Variants in CSPG5 observed in about 807,000 individuals in gnomAD.
CSPG5 encodes chondroitin sulfate proteoglycan 5, also known as acidic leucine-rich EGF-like domain-containing brain protein.
CSPG5 carries 25 observed loss-of-function variants against 39.8 expected under a neutral mutation model. The ratio of observed to expected loss-of-function variants is 0.63; its 90% CI spans 0.46 to 0.88. The LOEUF is 0.88. CSPG5 is among the 40% of genes least tolerant of loss of function. The pLI, the probability that CSPG5 is intolerant of heterozygous loss-of-function variation, is 0.00. For synonymous variants in CSPG5, 295 were observed against 303.9 expected (o/e 0.97, Z 0.31); for missense variants, 627 against 702.2 (o/e 0.89, Z 1.21).
rs2031857313 is a variant in CSPG5, at chr3:47,578,343, C to A, written c.97+254G>T. Among the ~76,000 whole-genome samples the A allele has an allele frequency of 1.3e-5, 2 of 150,460 alleles. No individual in the cohort carries two copies. Among genetic ancestry groups the A allele is most frequent in the Non-Finnish European group, 3.0e-5 (2 of 67,426 alleles). ...CCCGGCCCCGCCCCGGCCCCGCCCC[C>A]GGCCCCGCCCCCAGTCCGCACCGCG... On this transcript the variant is annotated intron_variant, in intron 1 of 4. Coordinates refer to ENST00000264723, the MANE Select transcript of CSPG5 (RefSeq NM_006574.4). This position sits in a 1 kb window ranked among gnomAD's most constrained non-coding sequence, Gnocchi z 6.0.
In CSPG5 at chr3:47,565,531, A is replaced by G. The variant is rs892175655; in HGVS notation, c.1459-2770T>C. Among the ~76,000 whole-genome samples, 4 of 152,178 alleles carry G rather than the reference A, an allele frequency of 2.6e-5. No homozygotes were observed. The East Asian group carries it at 7.7e-4, about 29-fold the overall frequency. ...TGTGGACTCACTGCTCCCAGCATTC[A>G]ATCCCAGCAGTATGGGCACCCTTCA... On this transcript the variant is annotated intron_variant, in intron 4 of 4. Coordinates refer to ENST00000264723, the MANE Select transcript of CSPG5 (RefSeq NM_006574.4).
At chr3:47,566,178 T>A (rs570258842) in intron 4 of CSPG5, among the ~76,000 whole-genome samples, 1 of 152,202 alleles carries the variant, frequency 6.6e-6, no homozygotes, top group Non-Finnish European at 1.5e-5. Context: ...GCTCAATCTA[T>A]TTTACGTATG....
intron 4 of CSPG5, among the ~76,000 whole-genome samples, chr3:47,562,972 C>T (rs1165223005): frequency 6.6e-6 from 1 of 152,138 alleles, no homozygotes; most frequent in Non-Finnish European, 1.5e-5. Context: ...GAGAGGAAAA[C>T]TTGACAGTAA....
At chr3:47,564,908 A>G (rs1431124811) in intron 4 of CSPG5, among the ~76,000 whole-genome samples, 7 of 152,044 alleles carry the variant, frequency 4.6e-5, no homozygotes, top group Non-Finnish European at 2.9e-5. Context: ...AAAGCTGGAG[A>G]GCTGAGCTAT....
Position 47,577,509 on chromosome 3 carries a change from AGGGGCTCTCCTTG to A in CSPG5, c.504_516del (p.Lys169TrpfsTer5). 1 of 1,610,956 alleles carries A rather than the reference AGGGGCTCTCCTTG, an allele frequency of 6.2e-7. No individual in the cohort carries two copies. Among genetic ancestry groups the A allele is most frequent in the Non-Finnish European group, 8.5e-7 (1 of 1,179,140 alleles). ...CCCCCCAGGTTCAGCCAAACCTCCA[AGGGGCTCTCCTTG>A]GGGAGTTCAGAAGCTGGGCTCAGCT... On this transcript the variant is annotated frameshift_variant, in exon 2 of 5. Coordinates refer to ENST00000264723, the MANE Select transcript of CSPG5 (RefSeq NM_006574.4). LOFTEE classifies it high-confidence loss of function. This position sits in a 1 kb window ranked among gnomAD's most constrained non-coding sequence, Gnocchi z 4.7.
chr3:47,572,292 C>T lies in CSPG5; in HGVS notation c.1382+394G>A, dbSNP rs1300973115. On this transcript the variant is annotated intron_variant, in intron 3 of 4. Coordinates refer to ENST00000264723, the MANE Select transcript of CSPG5 (RefSeq NM_006574.4). This position sits in a 1 kb window ranked among gnomAD's most constrained non-coding sequence, Gnocchi z 4.5. ...CCACGCAGAATTATGAATGAAATCTCGCACTGGCCGCTGGCTGTCACAGTC... is the reference window on the plus strand; with the variant it reads ...CCACGCAGAATTATGAATGAAATCTTGCACTGGCCGCTGGCTGTCACAGTC... Among the ~76,000 whole-genome samples, 1 of 152,196 alleles carries T rather than the reference C, an allele frequency of 6.6e-6. No homozygotes were observed. Among genetic ancestry groups the T allele is most frequent in the Non-Finnish European group, 1.5e-5 (1 of 68,036 alleles).
rs1462212304 is a variant in CSPG5 at position 47,577,337 on chromosome 3, C to T, written c.689G>A (p.Gly230Glu). The T allele has an allele frequency of 1.4e-5, 22 of 1,613,766 alleles. No individual in the cohort carries two copies. Among genetic ancestry groups the T allele is most frequent in the Non-Finnish European group, 1.9e-5 (22 of 1,179,910 alleles). The change falls in exon 2 of 5, where the codon GGG becomes GAG. Residue 230 changes from glycine to glutamate, a missense_variant. Coordinates refer to ENST00000264723, the MANE Select transcript of CSPG5 (RefSeq NM_006574.4). This position sits in a 1 kb window ranked among gnomAD's most constrained non-coding sequence, Gnocchi z 4.7. ...GRGADLGSFPGSPGTSENHPD... is the reference protein window; with the variant it reads ...GRGADLGSFPESPGTSENHPD... ...GTGGTTCTCTGAGGTTCCTGGTGAC[C>T]CTGGGAAGCTCCCCAGATCTGCGCC...
Position 47,578,457 on chromosome 3 carries a change from A to C in CSPG5, c.97+140T>G. 5 of 194,098 alleles carry C rather than the reference A, an allele frequency of 2.6e-5. No homozygotes were observed. Among genetic ancestry groups the C allele is most frequent in the Non-Finnish European group, 9.9e-6 (1 of 100,920 alleles). The allele number at this position is 194,098 out of a possible 1,614,324, so 12.0% of individuals were successfully genotyped here. ...CGGACCCCCACCACCTCCTGGGACC[A>C]TTCCGCCGCCCGGCCGCGGCCAGGC... On this transcript the variant is annotated intron_variant, in intron 1 of 4. Transcript: ENST00000264723. This position sits in a 1 kb window ranked among gnomAD's most constrained non-coding sequence, Gnocchi z 6.0.
At chr3:47,579,945 G>A (rs553226050), upstream of CSPG5, 34 of 152,366 alleles carry the variant, frequency 2.2e-4, no homozygotes, top group Admixed American at 5.9e-4. The surrounding 1 kb of genome is among the most constrained non-coding windows in gnomAD (Gnocchi z 4.2). Context: ...CAGTATTTAA[G>A]AGACGGTCCC....
Position 47,572,544 on chromosome 3 carries a change from G to GATCTCGGTGGT in CSPG5, c.1382+141_1382+142insACCACCGAGAT. On this transcript the variant is annotated intron_variant, in intron 3 of 4. Coordinates refer to ENST00000264723, the MANE Select transcript of CSPG5 (RefSeq NM_006574.4). This position sits in a 1 kb window ranked among gnomAD's most constrained non-coding sequence, Gnocchi z 4.5. ...ACAGATGAGCCTGAGTGAATTTTTA[G>GATCTCGGTGGT]CACAGACAAAACAGCTGGGAATGGA... The GATCTCGGTGGT allele has an allele frequency of 1.4e-6, 1 of 721,726 alleles. No homozygotes were observed. Among genetic ancestry groups the GATCTCGGTGGT allele is most frequent in the South Asian group, 1.8e-5 (1 of 54,262 alleles). 44.7% of individuals were successfully genotyped at this position (721,726 alleles called of 1,614,324 possible).
intron 4 of CSPG5, among the ~76,000 whole-genome samples, chr3:47,566,550 A>C (rs1472619314): frequency 1.3e-5 from 2 of 152,194 alleles, no homozygotes; most frequent in Admixed American, 1.3e-4. Context: ...CCACCACTAC[A>C]TTCCTTGCTG....
intron 2 of CSPG5, among the ~76,000 whole-genome samples, chr3:47,575,281 C>T (rs1012287383): frequency 6.6e-6 from 1 of 152,160 alleles, no homozygotes; most frequent in African/African-American, 2.4e-5. Context: ...AAAAGAGACA[C>T]ACAGATGACA....
chr3:47,562,555 C>CG lies in CSPG5; in HGVS notation c.*44_*45insC. 1.9e-6 allele frequency: 3 copies of CG among 1,541,746 alleles called. No homozygotes were observed. Among genetic ancestry groups the CG allele is most frequent in the African/African-American group, 1.4e-5 (1 of 73,388 alleles). ...ACAAGAGGAGATAATGTTTCTTCCC[C>CG]TACCCCCCACCCACTACCCCCGCTT... On this transcript the variant is annotated 3_prime_UTR_variant, in exon 5 of 5. Transcript: ENST00000264723.
intron 4 of CSPG5, among the ~76,000 whole-genome samples, chr3:47,568,532 G>C (rs951021056): frequency 3.3e-5 from 5 of 152,166 alleles, no homozygotes; most frequent in Admixed American, 3.3e-4. Flanking sequence ...CCAGTTCTTA[G>C]GATCCTCAAA....
Position 47,569,190 on chromosome 3 carries a change from A to C in CSPG5, c.1420T>G (p.Phe474Val). The change falls in exon 4 of 5, where the codon TTC (phenylalanine) becomes GTC (valine). Residue 474 changes from phenylalanine (F) to valine (V), a missense_variant. By Grantham distance (50) the Phe-to-Val change is conservative. Coordinates refer to ENST00000264723, the MANE Select transcript of CSPG5 (RefSeq NM_006574.4). ...RTPSELHNDN[F>V]SLSTIAEGSH... The stretch of plus-strand genomic sequence containing the variant: ...CCCTCGGCAATGGTGGAGAGGGAGA[A>C]GTTATCATTGTGGAGCTCAGATGGG... 6 of 1,613,188 alleles carry C rather than the reference A, an allele frequency of 3.7e-6. No homozygotes were observed. The highest frequency in any genetic ancestry group is 5.1e-6 in the Non-Finnish European group (6 of 1,179,602).
In CSPG5 at chr3:47,577,885, C is replaced by G; in HGVS notation, c.141G>C (p.Lys47Asn). The G allele has an allele frequency of 6.6e-7, 1 of 1,506,664 alleles. No homozygotes were observed. Among genetic ancestry groups the G allele is most frequent in the Non-Finnish European group, 8.8e-7 (1 of 1,140,528 alleles). 93.3% of individuals were successfully genotyped at this position (1,506,664 alleles called of 1,614,324 possible). Reference sequence around the variant, plus strand: ...CAGGCGGCTCCCACGCCGGGCTGCCCTTCACCAGCTCTTCGGCCTCAACCG... The same window carrying G: ...CAGGCGGCTCCCACGCCGGGCTGCCGTTCACCAGCTCTTCGGCCTCAACCG... ...GSAVEAEELV[K>N]GSPAWEPPAN... The change falls in exon 2 of 5, where the codon AAG becomes AAC. Residue 47 changes from lysine to asparagine, a missense_variant. Transcript: ENST00000264723. The surrounding 1 kb of genome is among the most constrained non-coding windows in gnomAD (Gnocchi z 4.7).
At chr3:47,568,536 C>T (rs1418980756) in intron 4 of CSPG5, among the ~76,000 whole-genome samples, 1 of 152,182 alleles carries the variant, frequency 6.6e-6, no homozygotes, top group African/African-American at 2.4e-5. Context: ...TTCTTAGGAT[C>T]CTCAAATAGC....
chr3:47,575,094 C>T (rs1246380997), intron 2 of CSPG5, among the ~76,000 whole-genome samples: 2 of 151,728 alleles, frequency 1.3e-5, no homozygotes, highest in African/African-American at 2.4e-5. Context: ...ACTTGCAGAA[C>T]GAACAAGAAC....
chr3:47,573,800 C>G (rs1031776472), intron 2 of CSPG5, among the ~76,000 whole-genome samples: 1 of 152,204 alleles, frequency 6.6e-6, no homozygotes, highest in Non-Finnish European at 1.5e-5. Context: ...ACATGGCTAG[C>G]AAGAAATTCT....
Sources: allele counts gnomAD v4.1 joint callset (sites outside exome capture counted in the v4.1 genomes callset), GRCh38; gene constraint gnomAD v4.1.1; non-coding constraint Gnocchi (gnomAD v3.1); transcripts MANE v1.5; gene names NCBI Gene and HGNC (gene_info 2026-07-23, HGNC 2026-07-21).